MID1: variants seen among roughly 807,000 people sequenced by gnomAD.
MID1 encodes the protein E3 ubiquitin-protein ligase Midline-1.
A neutral mutation model predicts 40.4 loss-of-function variants in MID1; 7 were observed. The observed-to-expected ratio is 0.17, with a 90% CI of 0.10 to 0.33. MID1 has a LOEUF of 0.33. Ranked by LOEUF, MID1 falls within the 10% of genes least tolerant of loss-of-function variation. The pLI, the probability that MID1 is intolerant of heterozygous loss-of-function variation, is 1.00. For synonymous variants in MID1, 229 were observed against 221.2 expected, an observed-to-expected ratio of 1.04 and a Z score of -0.31; for missense variants, 367 against 558.5, an observed-to-expected ratio of 0.66 and a Z score of 3.46.
At chrX:10,721,735 A>AG (rs1217767843) in intron 1 of MID1, among the ~76,000 whole-genome samples, 8 of 105,651 alleles carry the variant, frequency 7.6e-5, no homozygotes, top group African/African-American at 2.4e-4. Flanking sequence ...AAAAAAAAAA[A>AG]CTTTCTGAAA....
chrX:10,730,186 T>C (rs910012088), intron 1 of MID1, among the ~76,000 whole-genome samples: 1 of 111,406 alleles, frequency 9.0e-6, no homozygotes, highest in Non-Finnish European at 1.9e-5. Flanking sequence ...GATGTATTTG[T>C]TATGTAGAGT....
At chrX:10,471,380 A>ACGGTATTAAG (rs1230502821) in intron 6 of MID1, among the ~76,000 whole-genome samples, 1 of 112,505 alleles carries the variant, frequency 8.9e-6, no homozygotes, top group Non-Finnish European at 1.9e-5. Context: ...AAGCAAGTCT[A>ACGGTATTAAG]CGGTATTAAG....
rs757390504 is a variant in MID1, at chrX:10,636,785, G to GACATATATATATATAT, written c.-186-16367_-186-16366insATATATATATATATGT. Among the ~76,000 whole-genome samples, 43 of 42,706 alleles carry GACATATATATATATAT rather than the reference G, an allele frequency of 1.0e-3. 1 individual carries two copies. Among genetic ancestry groups the GACATATATATATATAT allele is most frequent in the Non-Finnish European group, 1.3e-3 (32 of 24,758 alleles). The allele number at this position is 42,706 out of a possible 115,157, so 37.1% of individuals were successfully genotyped here. ...CAAACTGGGCCATTCCAACAATGGG[G>GACATATATATATATAT]ATATATATATATATATATATATATA... On this transcript the variant is annotated intron_variant, in intron 1 of 10. Coordinates refer to the MID1 transcript ENST00000380785.
intron 8 of MID1, among the ~76,000 whole-genome samples, chrX:10,455,776 ATG>A (rs1399658730): frequency 8.9e-6 from 1 of 112,123 alleles, no homozygotes; most frequent in African/African-American, 3.2e-5. Flanking sequence ...TTAGGAAAAA[ATG>A]TGATAGCAAT....
intron 3 of MID1, among the ~76,000 whole-genome samples, chrX:10,517,920 A>G (rs769926261): frequency 1.2e-4 from 14 of 112,222 alleles, no homozygotes; most frequent in Non-Finnish European, 2.4e-4. Flanking sequence ...ATTTTGTGTT[A>G]TAAGTGCTCT....
At chrX:10,466,674 T>A (rs897077343) in intron 7 of MID1, among the ~76,000 whole-genome samples, 1 of 111,716 alleles carries the variant, frequency 9.0e-6, no homozygotes, top group East Asian at 2.8e-4. Context: ...CTGCCCTTGT[T>A]GAGAATCACT....
chrX:10,738,965 A>G (rs780758315), intron 1 of MID1, among the ~76,000 whole-genome samples: 1 of 109,488 alleles, frequency 9.1e-6, no homozygotes, highest in Admixed American at 9.8e-5. Context: ...AAAAAAAAAG[A>G]AAGAAAGAAA....
At chrX:10,497,196 C>T (rs1931300378) in intron 3 of MID1, among the ~76,000 whole-genome samples, 1 of 112,234 alleles carries the variant, frequency 8.9e-6, no homozygotes, top group Non-Finnish European at 1.9e-5. Flanking sequence ...TAATAACTGA[C>T]TACAACTGAG....
intron 7 of MID1, among the ~76,000 whole-genome samples, chrX:10,465,206 TATATATATACACACACAC>T (rs2035277718): frequency 2.9e-5 from 2 of 68,690 alleles, no homozygotes; most frequent in African/African-American, 1.4e-4. Context: ...TATATATATA[TATATATATACACACACAC>T]ACACACACAC....
At chrX:10,457,462 T>C (rs1301384143) in intron 8 of MID1, among the ~76,000 whole-genome samples, 1 of 112,408 alleles carries the variant, frequency 8.9e-6, no homozygotes, top group East Asian at 2.8e-4. Context: ...ATAGCTTACT[T>C]TACTAAATAA....
chrX:10,453,783 T>G (rs750312039), intron 9 of MID1, among the ~76,000 whole-genome samples: 33 of 112,098 alleles, frequency 2.9e-4, no homozygotes, highest in African/African-American at 1.1e-3. Flanking sequence ...GGACTGCTGG[T>G]TAAGAGCCTG....
chrX:10,679,410 TGA>T (rs901085615), intron 1 of MID1, among the ~76,000 whole-genome samples: 2 of 111,674 alleles, frequency 1.8e-5, no homozygotes, highest in African/African-American at 6.5e-5. Flanking sequence ...GAAACAGACG[TGA>T]GATTCCTGTA....
intron 1 of MID1, among the ~76,000 whole-genome samples, chrX:10,689,432 T>G (rs1414415449): frequency 9.0e-6 from 1 of 111,452 alleles, no homozygotes; most frequent in East Asian, 2.8e-4. Flanking sequence ...CGCCCCATGA[T>G]CCACCTCACC....
chrX:10,761,340 T>A (rs1191437999), intron 1 of MID1, among the ~76,000 whole-genome samples: 1 of 112,213 alleles, frequency 8.9e-6, no homozygotes, highest in Middle Eastern at 4.2e-3. Flanking sequence ...TATGCCTTTT[T>A]AAATTTAATC....
At chrX:10,512,446 G>T (rs762848794) in intron 3 of MID1, among the ~76,000 whole-genome samples, 1 of 112,730 alleles carries the variant, frequency 8.9e-6, no homozygotes, top group Non-Finnish European at 1.9e-5. Context: ...TTCAGGCCAC[G>T]TATCTGTGGT....
At chrX:10,577,458 A>G (rs1337036528) in intron 1 of MID1, among the ~76,000 whole-genome samples, 1 of 111,853 alleles carries the variant, frequency 8.9e-6, no homozygotes, top group Non-Finnish European at 1.9e-5. Flanking sequence ...AGTTTTCTTC[A>G]AAGTTATATC....
At chrX:10,604,826 G>A in intron 1 of MID1, among the ~76,000 whole-genome samples, 1 of 112,471 alleles carries the variant, frequency 8.9e-6, no homozygotes, top group Non-Finnish European at 1.9e-5. Flanking sequence ...ATGCACATAT[G>A]CAACAGATAG....
chrX:10,563,934 A>T (rs934215727), intron 2 of MID1, among the ~76,000 whole-genome samples: 4 of 112,652 alleles, frequency 3.6e-5, no homozygotes, highest in African/African-American at 1.3e-4. Context: ...TATGTCCCCC[A>T]AAGTTTAGTA....
intron 1 of MID1, among the ~76,000 whole-genome samples, chrX:10,671,169 G>T (rs2042985083): frequency 8.9e-6 from 1 of 111,752 alleles, no homozygotes; most frequent in African/African-American, 3.3e-5. Context: ...CCTGTGGTTT[G>T]CTCCCGCCCC....
Sources: gnomAD v4.1 joint callset for allele counts (sites outside exome capture counted in the v4.1 genomes callset) on GRCh38, gnomAD v4.1.1 for gene constraint, MANE v1.5 for transcripts, NCBI Gene and HGNC (gene_info 2026-07-23, HGNC 2026-07-21) for gene names.